The following SGCZ variants were observed in gnomAD, a reference collection of about 807,000 sequenced individuals.
The protein encoded by SGCZ is zeta-sarcoglycan.
SGCZ carries 40 observed loss-of-function variants against 41.3 expected under a neutral mutation model. The observed-to-expected ratio is 0.97, with a 90% CI of 0.75 to 1.26. The LOEUF (loss-of-function observed/expected upper bound fraction) is 1.26. Ranked by LOEUF, SGCZ falls within the 50% of genes most tolerant of loss-of-function variation. SGCZ has a pLI of 0.00. For missense variants in SGCZ, 552 were observed against 369.8 expected, an observed-to-expected ratio of 1.49 and a Z score of -4.04; for synonymous variants, 206 against 137.5, an observed-to-expected ratio of 1.50 and a Z score of -3.49.
rs566012281 is a variant in SGCZ, at chr8:14,229,804, A to AT, written c.424+7787dup. On this transcript the variant is annotated intron_variant, in intron 4 of 7. Coordinates refer to ENST00000382080, the MANE Select transcript of SGCZ (RefSeq NM_139167.4). The stretch of plus-strand genomic sequence containing the variant: ...TTGCTTTAACGCAAGATTGCATGTC[A>AT]TTTTCAGGGTCTTTAAATATTTATT... Among the ~76,000 whole-genome samples, 24 of 152,232 alleles carry AT rather than the reference A, an allele frequency of 1.6e-4. No individual in the cohort carries two copies. In the South Asian group the frequency reaches 5.0e-3, roughly 32 times the overall value.
At chr8:14,861,335 G>A (rs1803740086) in intron 1 of SGCZ, among the ~76,000 whole-genome samples, 1 of 152,142 alleles carries the variant, frequency 6.6e-6, no homozygotes, top group African/African-American at 2.4e-5. Context: ...GAAGGTAGCA[G>A]AGAGTGTTGG....
intron 1 of SGCZ, among the ~76,000 whole-genome samples, chr8:15,204,870 C>A (rs577539196): frequency 6.6e-6 from 1 of 152,268 alleles, no homozygotes; most frequent in African/African-American, 2.4e-5. Flanking sequence ...GGATTATATA[C>A]GATTCAGTGC....
chr8:14,398,097 T>C (rs767355329), intron 2 of SGCZ, among the ~76,000 whole-genome samples: 5 of 152,084 alleles, frequency 3.3e-5, no homozygotes, highest in Admixed American at 6.6e-5. Flanking sequence ...GACCCTCAAT[T>C]GACATCAAGT....
At chr8:14,459,213 A>G (rs1447986036) in intron 2 of SGCZ, among the ~76,000 whole-genome samples, 2 of 152,080 alleles carry the variant, frequency 1.3e-5, no homozygotes, top group Non-Finnish European at 1.5e-5. Context: ...TGGGAATTGA[A>G]CAATGAGAAC....
chr8:14,613,496 C>T (rs951251323), intron 1 of SGCZ, among the ~76,000 whole-genome samples: 1 of 152,110 alleles, frequency 6.6e-6, no homozygotes, highest in Non-Finnish European at 1.5e-5. Context: ...TGTATAACAA[C>T]ATCTAGGTGA....
intron 1 of SGCZ, among the ~76,000 whole-genome samples, chr8:14,861,149 T>A (rs1163799337): frequency 6.6e-6 from 1 of 152,164 alleles, no homozygotes; most frequent in Non-Finnish European, 1.5e-5. Flanking sequence ...TGTGTTGGAA[T>A]TAAAACTTAC....
At chr8:14,326,058 G>A (rs1458308790) in intron 2 of SGCZ, among the ~76,000 whole-genome samples, 2 of 117,770 alleles carry the variant, frequency 1.7e-5, no homozygotes, top group Non-Finnish European at 3.3e-5. Flanking sequence ...CCACAAATGA[G>A]CCGAGATCGC....
chr8:14,314,473 A>G (rs1801651171), intron 3 of SGCZ, among the ~76,000 whole-genome samples: 1 of 152,196 alleles, frequency 6.6e-6, no homozygotes, highest in South Asian at 2.1e-4. Context: ...ATCTCGTTCC[A>G]GTCATAGTAT....
At chr8:14,554,995 G>T in intron 1 of SGCZ, 69 bp from the exon 2 acceptor site, 2 of 1,381,396 alleles carry the variant, frequency 1.4e-6, no homozygotes, top group Non-Finnish European at 2.0e-6. Context: ...ATAAACCCAT[G>T]ATTTTTTTGA....
chr8:14,510,010 G>C (rs1205311294), intron 2 of SGCZ, among the ~76,000 whole-genome samples: 1 of 152,062 alleles, frequency 6.6e-6, no homozygotes, highest in Non-Finnish European at 1.5e-5. Context: ...TACAATTTGA[G>C]ATGACATTTG....
chr8:14,840,804 G>C (rs1802877394), intron 1 of SGCZ, among the ~76,000 whole-genome samples: 1 of 151,712 alleles, frequency 6.6e-6, no homozygotes, highest in African/African-American at 2.4e-5. Flanking sequence ...AACTTTATGA[G>C]ACTTTTTAAC....
chr8:14,538,716 G>A (rs1351637713), intron 2 of SGCZ, among the ~76,000 whole-genome samples: 1 of 151,916 alleles, frequency 6.6e-6, no homozygotes, highest in Non-Finnish European at 1.5e-5. Context: ...GCTATTGAGT[G>A]GTGTAAGTGA....
chr8:14,160,212 T>C (rs990620121), intron 5 of SGCZ, among the ~76,000 whole-genome samples: 4 of 152,250 alleles, frequency 2.6e-5, no homozygotes, highest in Non-Finnish European at 5.9e-5. Context: ...TAATAGCTTT[T>C]AATTTACCAT....
chr8:14,423,183 G>T (rs954559854), intron 2 of SGCZ, among the ~76,000 whole-genome samples: 13 of 151,470 alleles, frequency 8.6e-5, no homozygotes, highest in African/African-American at 2.7e-4. Context: ...GAGGGGGGAG[G>T]GATAGCATTA....
chr8:14,200,444 C>T (rs1211036675), intron 4 of SGCZ, among the ~76,000 whole-genome samples: 1 of 152,004 alleles, frequency 6.6e-6, no homozygotes, highest in African/African-American at 2.4e-5. Flanking sequence ...TCACTCTAAC[C>T]AATTTCATGG....
intron 1 of SGCZ, among the ~76,000 whole-genome samples, chr8:14,723,584 C>T (rs1368186345): frequency 6.6e-6 from 1 of 152,076 alleles, no homozygotes; most frequent in Non-Finnish European, 1.5e-5. Context: ...GAGGCTCTGA[C>T]CCCAGCTGAC....
At chr8:14,208,361 A>T (rs1157126716) in intron 4 of SGCZ, among the ~76,000 whole-genome samples, 1 of 152,216 alleles carries the variant, frequency 6.6e-6, no homozygotes, top group Non-Finnish European at 1.5e-5. Flanking sequence ...AGACATTCAC[A>T]AGGTAGTAAT....
chr8:14,309,239 G>T, intron 3 of SGCZ: 12 of 1,521,928 alleles, frequency 7.9e-6, no homozygotes, highest in Non-Finnish European at 1.1e-5. Flanking sequence ...AGACTTCTGG[G>T]CTCTGTACAA....
chr8:15,227,250 T>C (rs1418827088), intron 1 of SGCZ, among the ~76,000 whole-genome samples: 1 of 152,162 alleles, frequency 6.6e-6, no homozygotes, highest in Non-Finnish European at 1.5e-5. Context: ...CCATACAAAT[T>C]TTATGTATAA....
Sources: allele counts gnomAD v4.1 joint callset (sites outside exome capture counted in the v4.1 genomes callset), GRCh38; gene constraint gnomAD v4.1.1; transcripts MANE v1.5; gene names NCBI Gene and HGNC (gene_info 2026-07-23, HGNC 2026-07-21).